UNC5D: variants seen among roughly 807,000 people sequenced by gnomAD.
UNC5D encodes the protein netrin receptor UNC5D.
In UNC5D, 39 loss-of-function variants were observed where a neutral mutation model predicts 105.4. The ratio of observed to expected loss-of-function variants is 0.37; its 90% CI spans 0.29 to 0.48. The LOEUF (loss-of-function observed/expected upper bound fraction) is 0.48, where lower values mean the gene tolerates loss of function less well. UNC5D is among the 20% of genes least tolerant of loss of function. The pLI is 0.98. For missense variants in UNC5D, 991 were observed against 1,202.4 expected, an observed-to-expected ratio of 0.82 and a Z score of 2.60; for synonymous variants, 452 against 450.4, an observed-to-expected ratio of 1.00 and a Z score of -0.04.
At chr8:35,672,976 C>T (rs892584127) in intron 4 of UNC5D, among the ~76,000 whole-genome samples, 3 of 152,134 alleles carry the variant, frequency 2.0e-5, no homozygotes, top group Non-Finnish European at 2.9e-5. Flanking sequence ...TGCAGAGGGA[C>T]GGATGTCTGT....
rs1464525996 is a variant in UNC5D, at chr8:35,489,541, C to T, written c.104-59751C>T. ...CAGAAACACTAGGGATGTGCAGACA[C>T]AGAGGAAAAGCCAAGTGAGGACACG... is the stretch of plus-strand genomic sequence containing the variant. On this transcript the variant is annotated intron_variant, in intron 1 of 16. Coordinates refer to ENST00000404895, the MANE Select transcript of UNC5D (RefSeq NM_080872.4). 2.6e-5 allele frequency among the ~76,000 whole-genome samples: 4 copies of T among 152,070 alleles called. No homozygotes were observed. The East Asian group carries it at 5.8e-4, about 22-fold the overall frequency.
At chr8:35,241,411 G>A (rs1802798438) in intron 1 of UNC5D, among the ~76,000 whole-genome samples, 1 of 152,130 alleles carries the variant, frequency 6.6e-6, no homozygotes, top group Admixed American at 6.5e-5. Context: ...CGCTGTGTAA[G>A]TATTTTGTGC....
At chr8:35,302,843 A>G (rs566542436) in intron 1 of UNC5D, among the ~76,000 whole-genome samples, 74 of 152,268 alleles carry the variant, frequency 4.9e-4, no homozygotes, top group Middle Eastern at 3.4e-3. Context: ...CTTTATATGT[A>G]TACATTTTAA....
rs182286469 is a variant in UNC5D, at chr8:35,333,668, C to T, written c.103+97781C>T. On this transcript the variant is annotated intron_variant, in intron 1 of 16. Transcript: ENST00000404895. The stretch of plus-strand genomic sequence containing the variant: ...CTAATTTTTGTATTTTTAGTAGAGG[C>T]GGGGATTCTCCATGTTGGCCAGGCT... 1.5e-3 allele frequency among the ~76,000 whole-genome samples: 222 copies of T among 152,062 alleles called. 3 individuals are homozygous for T. In the East Asian group the frequency reaches 0.037, roughly 25 times the overall value.
chr8:35,298,677 T>TC (rs1367625986), intron 1 of UNC5D, among the ~76,000 whole-genome samples: 5 of 150,828 alleles, frequency 3.3e-5, no homozygotes, highest in Non-Finnish European at 5.9e-5. Flanking sequence ...ACATATGTGT[T>TC]CAATAGCAGT....
At chr8:35,538,889 T>G (rs2130615508) in intron 1 of UNC5D, among the ~76,000 whole-genome samples, 1 of 152,168 alleles carries the variant, frequency 6.6e-6, no homozygotes, top group Non-Finnish European at 1.5e-5. Context: ...TTTAGGACAT[T>G]TAAGTAACTA....
chr8:35,543,816 A>G (rs1815446644), intron 1 of UNC5D, among the ~76,000 whole-genome samples: 1 of 152,156 alleles, frequency 6.6e-6, no homozygotes, highest in Admixed American at 6.5e-5. Flanking sequence ...TCACAGGTTA[A>G]CCAAATGATC....
At chr8:35,786,412 A>G (rs1164719362) in intron 16 of UNC5D, among the ~76,000 whole-genome samples, 1 of 152,132 alleles carries the variant, frequency 6.6e-6, no homozygotes, top group Non-Finnish European at 1.5e-5. Context: ...GTGGGTGCCT[A>G]TTCCACAAAT....
chr8:35,734,968 G>A (rs1829389583), intron 11 of UNC5D, among the ~76,000 whole-genome samples: 1 of 151,720 alleles, frequency 6.6e-6, no homozygotes, highest in Non-Finnish European at 1.5e-5. Flanking sequence ...ATTTTTAGTA[G>A]AGACAGGGCA....
At chr8:35,502,736 T>TG (rs948640323) in intron 1 of UNC5D, among the ~76,000 whole-genome samples, 5 of 151,704 alleles carry the variant, frequency 3.3e-5, no homozygotes, top group Non-Finnish European at 7.4e-5. Context: ...TTTTTTTTTT[T>TG]TTGTATTTTT....
At chr8:35,710,934 C>CTTTTTTTTTTTTTTTTTTTGTTTTTTTT (rs1827897819) in intron 8 of UNC5D, among the ~76,000 whole-genome samples, 1 of 114,382 alleles carries the variant, frequency 8.7e-6, no homozygotes, top group African/African-American at 4.0e-5. Flanking sequence ...CAGCATTATT[C>CTTTTTTTTTTTTTTTTTTTGTTTTTTTT]TTTTTTTTTT....
intron 4 of UNC5D, among the ~76,000 whole-genome samples, chr8:35,677,202 A>G (rs1468303814): frequency 6.6e-6 from 1 of 152,218 alleles, no homozygotes; most frequent in South Asian, 2.1e-4. Context: ...AAAAGAGATT[A>G]TTAAGCAAAA....
intron 13 of UNC5D, among the ~76,000 whole-genome samples, chr8:35,756,778 C>G (rs1371474330): frequency 1.3e-5 from 2 of 152,084 alleles, no homozygotes; most frequent in Non-Finnish European, 2.9e-5. Context: ...TTCAATACAA[C>G]GATTGTGTGT....
At chr8:35,708,273 C>T (rs1053091664) in intron 8 of UNC5D, among the ~76,000 whole-genome samples, 4 of 152,152 alleles carry the variant, frequency 2.6e-5, no homozygotes. Flanking sequence ...CTTAAGATAT[C>T]TGTTGGCAAA....
intron 1 of UNC5D, among the ~76,000 whole-genome samples, chr8:35,507,058 T>C (rs868137289): frequency 1.2e-4 from 15 of 124,408 alleles, no homozygotes; most frequent in African/African-American, 5.2e-4. Flanking sequence ...TCTTTTTTTT[T>C]TTTTTTTTTT....
intron 3 of UNC5D, among the ~76,000 whole-genome samples, chr8:35,568,780 G>A (rs1817534853): frequency 6.6e-6 from 1 of 152,216 alleles, no homozygotes; most frequent in Non-Finnish European, 1.5e-5. Flanking sequence ...GACAGTCGGA[G>A]TGCAGGTGTC....
At chr8:35,350,445 G>A (rs750370598) in intron 1 of UNC5D, among the ~76,000 whole-genome samples, 6 of 151,982 alleles carry the variant, frequency 3.9e-5, no homozygotes, top group Non-Finnish European at 5.9e-5. Context: ...TGCCTAGCAT[G>A]TAGTAGGCAT....
intron 8 of UNC5D, among the ~76,000 whole-genome samples, chr8:35,716,854 G>C (rs1469107904): frequency 1.3e-5 from 2 of 152,172 alleles, no homozygotes; most frequent in Non-Finnish European, 2.9e-5. Context: ...AAAAATGTTT[G>C]CTTCTTGATG....
At chr8:35,513,749 G>A (rs572629330) in intron 1 of UNC5D, among the ~76,000 whole-genome samples, 1 of 152,326 alleles carries the variant, frequency 6.6e-6, no homozygotes, top group Non-Finnish European at 1.5e-5. Flanking sequence ...TCTGATCACA[G>A]AGTCTTGTAT....
Sources: gnomAD v4.1 joint callset for allele counts (sites outside exome capture counted in the v4.1 genomes callset) on GRCh38, gnomAD v4.1.1 for gene constraint, MANE v1.5 for transcripts, NCBI Gene and HGNC (gene_info 2026-07-23, HGNC 2026-07-21) for gene names.